PTPN21: variants seen among roughly 807,000 people sequenced by gnomAD.
PTPN21 encodes protein tyrosine phosphatase non-receptor type 21.
Under a neutral mutation model 131.8 loss-of-function variants are expected in PTPN21, and 77 were observed. The observed-to-expected ratio is 0.58, with a 90% CI of 0.49 to 0.71. The LOEUF (loss-of-function observed/expected upper bound fraction) is 0.71. Ranked by LOEUF, PTPN21 falls within the 30% of genes least tolerant of loss-of-function variation. PTPN21 has a pLI of 0.00. For synonymous variants in PTPN21, 715 were observed against 621.3 expected, an observed-to-expected ratio of 1.15 and a Z score of -2.24; for missense variants, 1,552 against 1,527.1, an observed-to-expected ratio of 1.02 and a Z score of -0.27.
rs1394758894 is a variant in PTPN21 at position 88,479,017 on chromosome 14, C to T, written c.2414G>A (p.Gly805Asp). 6.2e-7 allele frequency: 1 copy of T among 1,605,682 alleles called. No individual in the cohort carries two copies. Residue 805 changes from glycine (G) to aspartate (D), a missense_variant, in exon 13 of 19, where the codon GGC becomes GAC. Around this residue, in one of 4 missense-constraint regions of PTPN21, gnomAD observed 1,016 missense variants for 883.5 expected, o/e 1.15. Coordinates refer to ENST00000556564, the MANE Select transcript of PTPN21 (RefSeq NM_007039.4). ...SMSESDLTTS[G>D]RYRARRDSLK... ...AGAGTCCCTCCGGGCTCGGTAGCGG[C>T]CTGACGTGGTGAGGTCGGACTCCGA... is the stretch of plus-strand genomic sequence containing the variant.
chr14:88,504,583 T>C, intron 5 of PTPN21, 88 bp from the exon 6 acceptor site: 1 of 1,045,910 alleles, frequency 9.6e-7, no homozygotes. Flanking sequence ...ATGACTCTCG[T>C]CACTATCAGG....
Position 88,508,039 on chromosome 14 carries a change from G to A in PTPN21, c.351-19C>T, listed in dbSNP as rs773136028. 4.4e-6 allele frequency: 6 copies of A among 1,375,500 alleles called. No homozygotes were observed. Among genetic ancestry groups the A allele is most frequent in the Non-Finnish European group, 5.1e-6 (5 of 977,376 alleles). The allele number at this position is 1,375,500 out of a possible 1,614,324, so 85.2% of individuals were successfully genotyped here. On this transcript the variant is annotated intron_variant, in intron 3 of 18. Coordinates refer to ENST00000556564, the MANE Select transcript of PTPN21 (RefSeq NM_007039.4). ...CTGATACCTATAAAAAATGTCAGTT[G>A]TATAAGGTCAATGTCAATATTATCT...
intron 2 of PTPN21, among the ~76,000 whole-genome samples, chr14:88,525,050 G>A (rs779497005): frequency 1.3e-5 from 2 of 152,018 alleles, no homozygotes; most frequent in Admixed American, 6.6e-5. Flanking sequence ...TGAGACAATC[G>A]TGGACAACAT....
intron 13 of PTPN21, among the ~76,000 whole-genome samples, chr14:88,475,252 A>C (rs145141373): frequency 2.0e-5 from 3 of 152,362 alleles, no homozygotes; most frequent in African/African-American, 7.2e-5. Flanking sequence ...AAGCCCCATG[A>C]TAATGGTGCA....
At chr14:88,489,064 C>A (rs1408090135) in intron 10 of PTPN21, among the ~76,000 whole-genome samples, 3 of 152,098 alleles carry the variant, frequency 2.0e-5, no homozygotes, top group Admixed American at 2.0e-4. Context: ...GCAGGTCTGT[C>A]AGATTCCTGA....
At chr14:88,530,667 C>A (rs2078544222) in intron 2 of PTPN21, among the ~76,000 whole-genome samples, 2 of 151,962 alleles carry the variant, frequency 1.3e-5, no homozygotes, top group African/African-American at 2.4e-5. Context: ...GGCTTTAAAG[C>A]AACGACACTT....
chr14:88,490,675 CAA>C (rs1475247569), intron 10 of PTPN21, among the ~76,000 whole-genome samples: 2 of 152,198 alleles, frequency 1.3e-5, no homozygotes, highest in African/African-American at 4.8e-5. Flanking sequence ...CTCCTGATTA[CAA>C]AAGTCTCCGG....
At chr14:88,506,921 C>G (rs1438843196) in intron 4 of PTPN21, among the ~76,000 whole-genome samples, 1 of 151,980 alleles carries the variant, frequency 6.6e-6, no homozygotes, top group Non-Finnish European at 1.5e-5. Context: ...TGGCAGGTAT[C>G]TGTAATCCCA....
chr14:88,547,723 C>T (rs908632265), intron 2 of PTPN21: 3 of 452,064 alleles, frequency 6.6e-6, no homozygotes, highest in Non-Finnish European at 8.9e-6. Flanking sequence ...CTTTCTTCTT[C>T]TTCGGCAGTT....
intron 2 of PTPN21, among the ~76,000 whole-genome samples, chr14:88,532,271 A>G (rs991902727): frequency 6.6e-6 from 1 of 152,220 alleles, no homozygotes; most frequent in Non-Finnish European, 1.5e-5. Context: ...TGAAGCCAGC[A>G]TTACCCTAAT....
At chr14:88,549,916 C>T (rs1393882064) in intron 2 of PTPN21, among the ~76,000 whole-genome samples, 1 of 151,764 alleles carries the variant, frequency 6.6e-6, no homozygotes, top group Non-Finnish European at 1.5e-5. Context: ...GTGCCCGCCA[C>T]CACACCCTAC....
chr14:88,474,201 A>AT (rs11372490), intron 13 of PTPN21, among the ~76,000 whole-genome samples: 32,626 of 146,016 alleles, frequency 0.22, 3,845 homozygotes, highest in East Asian at 0.3. Flanking sequence ...GCTTTTATAA[A>AT]TTTTTTTTTT....
At chr14:88,549,999 T>A (rs2078838485) in intron 2 of PTPN21, among the ~76,000 whole-genome samples, 1 of 152,128 alleles carries the variant, frequency 6.6e-6, no homozygotes, top group Non-Finnish European at 1.5e-5. Context: ...TTGGCCAGGC[T>A]GGTCTCGAAC....
chr14:88,510,257 G>A (rs1226250456), intron 3 of PTPN21, among the ~76,000 whole-genome samples: 1 of 152,182 alleles, frequency 6.6e-6, no homozygotes, highest in African/African-American at 2.4e-5. Flanking sequence ...TTGCAAACAG[G>A]TATGCTTCTT....
chr14:88,501,795 A>G lies in PTPN21; in HGVS notation c.588-427T>C, dbSNP rs148651706. On this transcript the variant is annotated intron_variant, in intron 6 of 18. Coordinates refer to ENST00000556564, the MANE Select transcript of PTPN21 (RefSeq NM_007039.4). ...GCAGTTTGAGACCAGCCTGGGCAAC[A>G]TAGTGAGACCCTGTCACTACAAAAA... 9.2e-3 allele frequency among the ~76,000 whole-genome samples: 1,397 copies of G among 151,686 alleles called. 24 individuals are homozygous for G. Among genetic ancestry groups the G allele is most frequent in the African/African-American group, 0.032 (1,337 of 41,348 alleles).
intron 3 of PTPN21, among the ~76,000 whole-genome samples, chr14:88,511,852 A>G (rs982819404): frequency 6.6e-6 from 1 of 152,188 alleles, no homozygotes; most frequent in Admixed American, 6.6e-5. Flanking sequence ...TTACTGATCA[A>G]CTTTCCAATA....
chr14:88,471,096 A>C (rs2077458910), intron 15 of PTPN21, among the ~76,000 whole-genome samples: 1 of 152,172 alleles, frequency 6.6e-6, no homozygotes, highest in Admixed American at 6.5e-5. Flanking sequence ...AATTATGCTG[A>C]TATTATATTT....
In PTPN21 at chr14:88,510,915, A is replaced by ATT. The variant is rs34231515; in HGVS notation, c.351-2897_351-2896dup. On this transcript the variant is annotated intron_variant, in intron 3 of 18. Transcript: ENST00000556564. ...GATGGATGGATACACAGACAGATAG[A>ATT]TTTTTTTTTTTTTTTGAGACAGGGT... 2.8e-3 allele frequency among the ~76,000 whole-genome samples: 410 copies of ATT among 144,338 alleles called. 3 individuals carry two copies. Among genetic ancestry groups the ATT allele is most frequent in the African/African-American group, 8.3e-3 (326 of 39,084 alleles). The allele number at this position is 144,338 out of a possible 152,430, so 94.7% of individuals were successfully genotyped here.
At chr14:88,511,318 CT>C (rs1270649284) in intron 3 of PTPN21, among the ~76,000 whole-genome samples, 1 of 152,086 alleles carries the variant, frequency 6.6e-6, no homozygotes, top group Non-Finnish European at 1.5e-5. Flanking sequence ...TTAAAAAAAC[CT>C]TTTTGCTAAA....
Sources: gnomAD v4.1 joint callset for allele counts (sites outside exome capture counted in the v4.1 genomes callset) on GRCh38, gnomAD v4.1.1 for gene constraint, gnomAD v4.1.1 regional missense constraint, MANE v1.5 for transcripts, NCBI Gene and HGNC (gene_info 2026-07-23, HGNC 2026-07-21) for gene names.